MAGI3: variants seen among roughly 807,000 people sequenced by gnomAD.
MAGI3 encodes membrane associated guanylate kinase, WW and PDZ domain containing 3, also known as membrane-associated guanylate kinase, WW and PDZ domain-containing protein 3.
A neutral mutation model predicts 121.8 loss-of-function variants in MAGI3; 43 were observed. That is an observed-to-expected ratio of 0.35 (90% CI 0.28 to 0.46). MAGI3 has a LOEUF of 0.46. Ranked by LOEUF, MAGI3 falls within the 20% of genes least tolerant of loss-of-function variation. The pLI, the probability that MAGI3 is intolerant of heterozygous loss-of-function variation, is 1.00. For missense variants in MAGI3, 1,547 were observed against 1,797.3 expected, an observed-to-expected ratio of 0.86 and a Z score of 2.52; for synonymous variants, 553 against 639.3, an observed-to-expected ratio of 0.86 and a Z score of 2.04.
At chr1:113,541,363 G>A (rs1385832736) in intron 1 of MAGI3, among the ~76,000 whole-genome samples, 1 of 152,200 alleles carries the variant, frequency 6.6e-6, no homozygotes, top group Non-Finnish European at 1.5e-5. Context: ...TGCTGAGGTG[G>A]TGGCTCTATT....
chr1:113,617,446 T>C (rs1288464652), intron 7 of MAGI3, among the ~76,000 whole-genome samples: 2 of 152,220 alleles, frequency 1.3e-5, no homozygotes, highest in Non-Finnish European at 2.9e-5. Flanking sequence ...GTATTTTCAC[T>C]TTTTTATTTT....
rs1398249087 is a variant in MAGI3, at chr1:113,580,426, G to T, written c.434-116G>T. ...TGAATTTTACCTTAATAAAGTTGGG[G>T]CAGGGGAATGAAACATCTCTTATGT... On this transcript the variant is annotated intron_variant, in intron 2 of 20. Coordinates refer to ENST00000307546, the MANE Select transcript of MAGI3 (RefSeq NM_001142782.2). The T allele has an allele frequency of 9.9e-6, 8 of 811,742 alleles. No homozygotes were observed. In the South Asian group the frequency reaches 2.0e-4, roughly 21 times the overall value. 50.3% of individuals were successfully genotyped at this position (811,742 alleles called of 1,614,324 possible).
intron 1 of MAGI3, among the ~76,000 whole-genome samples, chr1:113,526,022 A>G (rs1341052064): frequency 2.0e-5 from 3 of 152,172 alleles, no homozygotes; most frequent in Non-Finnish European, 4.4e-5. Flanking sequence ...ACAAAACAAA[A>G]CAAACATATT....
At chr1:113,592,875 G>A (rs1158412291) in intron 5 of MAGI3, among the ~76,000 whole-genome samples, 1 of 152,074 alleles carries the variant, frequency 6.6e-6, no homozygotes, top group Non-Finnish European at 1.5e-5. Context: ...AGCTGGGCAC[G>A]GTGGCGGGCG....
chr1:113,583,555 G>A (rs1648172796), intron 3 of MAGI3, among the ~76,000 whole-genome samples: 1 of 151,926 alleles, frequency 6.6e-6, no homozygotes, highest in Non-Finnish European at 1.5e-5. Flanking sequence ...AGAAAAAGTG[G>A]ACTTTTTATT....
At chr1:113,604,403 CT>C (rs1570931232) in intron 6 of MAGI3, among the ~76,000 whole-genome samples, 1 of 151,668 alleles carries the variant, frequency 6.6e-6, no homozygotes, top group African/African-American at 2.4e-5. Context: ...CCCATCTCTA[CT>C]AAAAATACAA....
At chr1:113,416,160 A>ATTATTATGTAATTAATGACAC (rs1289905691) in intron 1 of MAGI3, among the ~76,000 whole-genome samples, 1 of 104,456 alleles carries the variant, frequency 9.6e-6, no homozygotes, top group African/African-American at 3.1e-5. Context: ...AATGACACAT[A>ATTATTATGTAATTAATGACAC]TTATTATGTA....
intron 1 of MAGI3, among the ~76,000 whole-genome samples, chr1:113,456,452 A>G (rs1654763549): frequency 6.6e-6 from 1 of 152,212 alleles, no homozygotes; most frequent in Non-Finnish European, 1.5e-5. Flanking sequence ...ATTTTATTTC[A>G]ATCTCAAATT....
chr1:113,680,289 C>T (rs1648134666), intron 19 of MAGI3, among the ~76,000 whole-genome samples: 1 of 152,128 alleles, frequency 6.6e-6, no homozygotes, highest in African/African-American at 2.4e-5. Context: ...CCTTCACATT[C>T]GGACATAGCT....
chr1:113,405,474 CAAAAAAAAAAAA>C (rs5777158), intron 1 of MAGI3, among the ~76,000 whole-genome samples: 25 of 54,344 alleles, frequency 4.6e-4, no homozygotes, highest in South Asian at 2.2e-3. Flanking sequence ...GAAACTGTCT[CAAAAAAAAAAAA>C]AAAAAAAAAA....
At chr1:113,539,759 T>C (rs546288921) in intron 1 of MAGI3, among the ~76,000 whole-genome samples, 1 of 152,228 alleles carries the variant, frequency 6.6e-6, no homozygotes, top group South Asian at 2.1e-4. Flanking sequence ...ATCATGAGCA[T>C]TGGACTGCAT....
At chr1:113,584,190 A>G (rs1026821300) in intron 3 of MAGI3, among the ~76,000 whole-genome samples, 1 of 152,142 alleles carries the variant, frequency 6.6e-6, no homozygotes, top group African/African-American at 2.4e-5. Flanking sequence ...TGAGTATTTT[A>G]CTCTCTAATC....
At chr1:113,400,193 CA>C (rs754756729) in intron 1 of MAGI3, among the ~76,000 whole-genome samples, 16 of 151,878 alleles carry the variant, frequency 1.1e-4, no homozygotes, top group Non-Finnish European at 2.2e-4. Flanking sequence ...GTACTCAGAG[CA>C]GGGGTAGACA....
At chr1:113,477,417 G>A (rs1655886612) in intron 1 of MAGI3, among the ~76,000 whole-genome samples, 1 of 152,134 alleles carries the variant, frequency 6.6e-6, no homozygotes, top group Non-Finnish European at 1.5e-5. Flanking sequence ...TGTAAGGCAG[G>A]CCTGGTGGTG....
At chr1:113,434,931 T>C (rs1653490202) in intron 1 of MAGI3, among the ~76,000 whole-genome samples, 1 of 152,226 alleles carries the variant, frequency 6.6e-6, no homozygotes, top group South Asian at 2.1e-4. Flanking sequence ...AACCATTTTT[T>C]ATCCATGAGC....
At chr1:113,526,203 G>A (rs1658439956) in intron 1 of MAGI3, among the ~76,000 whole-genome samples, 1 of 152,120 alleles carries the variant, frequency 6.6e-6, no homozygotes, top group Non-Finnish European at 1.5e-5. Context: ...GAAATCCAGG[G>A]AGTGAGGCAA....
At chr1:113,478,046 C>T (rs113045887) in intron 1 of MAGI3, among the ~76,000 whole-genome samples, 23 of 152,252 alleles carry the variant, frequency 1.5e-4, no homozygotes, top group African/African-American at 5.1e-4. Flanking sequence ...GCAGGCGTCA[C>T]GAAGTTCTCG....
chr1:113,622,880 A>G lies in MAGI3; in HGVS notation c.1246A>G (p.Ser416Gly). The change falls in exon 9 of 21, where the codon AGC (serine) becomes GGC (glycine). Residue 416 changes from serine to glycine, a missense_variant. Coordinates refer to ENST00000307546, the MANE Select transcript of MAGI3 (RefSeq NM_001142782.2). ...GVLVRASLKK[S>G]TMGFGFTIIG... ...CCTTGTTCGAGCATCACTGAAAAAA[A>G]GCACAATGGGATTTGGTTTTACTAT... The G allele has an allele frequency of 1.2e-6, 2 of 1,602,310 alleles. No homozygotes were observed. The highest frequency in any genetic ancestry group is 1.3e-5 in the African/African-American group (1 of 74,212).
chr1:113,665,919 G>T (rs1197116396), intron 16 of MAGI3, among the ~76,000 whole-genome samples: 2 of 152,108 alleles, frequency 1.3e-5, no homozygotes, highest in Non-Finnish European at 2.9e-5. Flanking sequence ...AGTGAATATT[G>T]CAATAAAGTG....
Sources: allele counts gnomAD v4.1 joint callset (sites outside exome capture counted in the v4.1 genomes callset), GRCh38; gene constraint gnomAD v4.1.1; transcripts MANE v1.5; gene names NCBI Gene and HGNC (gene_info 2026-07-23, HGNC 2026-07-21).